FARS2: variants seen among roughly 807,000 people sequenced by gnomAD.
FARS2 encodes phenylalanine--tRNA ligase, mitochondrial.
FARS2 carries 40 observed loss-of-function variants against 46.4 expected under a neutral mutation model. The observed-to-expected ratio is 0.86, with a 90% CI of 0.67 to 1.12. FARS2 has a LOEUF of 1.12. Ranked by LOEUF, FARS2 falls within the 50% of genes most tolerant of loss-of-function variation. The pLI is 0.00. For synonymous variants in FARS2, 234 were observed against 214.9 expected, an observed-to-expected ratio of 1.09 and a Z score of -0.78; for missense variants, 513 against 567.9, an observed-to-expected ratio of 0.90 and a Z score of 0.98.
chr6:5,614,514 G>A (rs772634595), intron 6 of FARS2, among the ~76,000 whole-genome samples: 9 of 151,088 alleles, frequency 6.0e-5, no homozygotes, highest in African/African-American at 9.8e-5. Flanking sequence ...GGTTCACGCC[G>A]TTCTCCTGCC....
chr6:5,557,914 A>C (rs1263482662), intron 5 of FARS2, among the ~76,000 whole-genome samples: 1 of 152,116 alleles, frequency 6.6e-6, no homozygotes, highest in Non-Finnish European at 1.5e-5. Flanking sequence ...TATAGAAATC[A>C]GGGTCATTAT....
chr6:5,521,413 G>C (rs1367873435), intron 4 of FARS2, among the ~76,000 whole-genome samples: 1 of 151,964 alleles, frequency 6.6e-6, no homozygotes, highest in East Asian at 1.9e-4. Context: ...AAAGCTGCTG[G>C]ACTGTGAATG....
In FARS2 at chr6:5,743,390, G is replaced by C. The variant is rs368028026; in HGVS notation, c.1218-27901G>C. ...TGGCCACAAGCTCTGGATGCCAACG[G>C]ATGAGGCCAGGACCTTACATCACCT... On this transcript the variant is annotated intron_variant, in intron 6 of 6. Transcript: ENST00000274680. Among the ~76,000 whole-genome samples, 40 of 152,282 alleles carry C rather than the reference G, an allele frequency of 2.6e-4. No individual in the cohort carries two copies. The East Asian group carries it at 5.4e-3, about 21-fold the overall frequency.
chr6:5,656,801 G>A (rs957987471), intron 6 of FARS2, among the ~76,000 whole-genome samples: 4 of 152,018 alleles, frequency 2.6e-5, no homozygotes, highest in South Asian at 4.2e-4. Context: ...CACCCTCCTC[G>A]GCCTCCCAAA....
chr6:5,557,265 G>A (rs779133659), intron 5 of FARS2, among the ~76,000 whole-genome samples: 17 of 152,118 alleles, frequency 1.1e-4, no homozygotes, highest in Non-Finnish European at 2.4e-4. Flanking sequence ...AACAACAACA[G>A]CAGCAAACCC....
chr6:5,391,200 G>A (rs888036031), intron 2 of FARS2, among the ~76,000 whole-genome samples: 3 of 152,060 alleles, frequency 2.0e-5, no homozygotes, highest in South Asian at 2.1e-4. Context: ...ATTCCATCAC[G>A]GAAATAACCA....
At chr6:5,579,931 G>T (rs1431954722) in intron 5 of FARS2, among the ~76,000 whole-genome samples, 12 of 151,970 alleles carry the variant, frequency 7.9e-5, no homozygotes, top group Admixed American at 1.3e-4. Context: ...GTTTGTTTTT[G>T]TTGTTGTTGT....
intron 6 of FARS2, among the ~76,000 whole-genome samples, chr6:5,673,601 CTG>C (rs1778596249): frequency 1.3e-5 from 2 of 152,140 alleles, no homozygotes; most frequent in Non-Finnish European, 2.9e-5. Context: ...CATGCCAGCT[CTG>C]TGGAAGTGAG....
intron 1 of FARS2, among the ~76,000 whole-genome samples, chr6:5,290,237 CTGTG>C (rs1767408838): frequency 6.6e-6 from 1 of 152,080 alleles, no homozygotes; most frequent in Non-Finnish European, 1.5e-5. Context: ...TGGCAAGTGA[CTGTG>C]TGTGTGAGGG....
chr6:5,283,790 T>C (rs1766924562), intron 1 of FARS2, among the ~76,000 whole-genome samples: 1 of 152,198 alleles, frequency 6.6e-6, no homozygotes, highest in African/African-American at 2.4e-5. Context: ...TCAATACATG[T>C]AGAGGTGCCT....
At chr6:5,453,530 A>G (rs1764632559) in intron 4 of FARS2, among the ~76,000 whole-genome samples, 1 of 152,250 alleles carries the variant, frequency 6.6e-6, no homozygotes, top group Non-Finnish European at 1.5e-5. Context: ...TTGAATTTCA[A>G]AATGAGCTTT....
rs557588985 is a variant in FARS2 at position 5,557,026 on chromosome 6, A to G, written c.1065+11686A>G. Among the ~76,000 whole-genome samples the G allele has an allele frequency of 4.6e-5, 7 of 152,312 alleles. No homozygotes were observed. The South Asian group carries it at 1.4e-3, about 32-fold the overall frequency. ...CTGTACATTTAATAGTTGGTGGATT[A>G]TAGAGTTAAAAAGTTACAGTTGTAG... On this transcript the variant is annotated intron_variant, in intron 5 of 6. Transcript: ENST00000274680.
intron 6 of FARS2, among the ~76,000 whole-genome samples, chr6:5,745,384 A>G (rs1481113194): frequency 6.6e-6 from 1 of 152,206 alleles, no homozygotes; most frequent in Non-Finnish European, 1.5e-5. Flanking sequence ...TCATCTTTCC[A>G]TTTGTCAGGA....
At chr6:5,435,050 C>T (rs1029828348) in intron 4 of FARS2, among the ~76,000 whole-genome samples, 2 of 152,088 alleles carry the variant, frequency 1.3e-5, no homozygotes, top group Admixed American at 6.5e-5. Flanking sequence ...TGTTATAACC[C>T]GTGTTTTACA....
Position 5,539,211 on chromosome 6 carries a change from C to CT in FARS2, c.905-5957dup, listed in dbSNP as rs1260332909. ...CATCCACTTAGGCCAGTGAACATTT[C>CT]TTTTTTTTTTTTGAGACAGGAGTCT... On this transcript the variant is annotated intron_variant, in intron 4 of 6. Coordinates refer to ENST00000274680, the MANE Select transcript of FARS2 (RefSeq NM_006567.5). Among the ~76,000 whole-genome samples the CT allele has an allele frequency of 8.4e-3, 1,206 of 143,438 alleles. 21 individuals are homozygous for CT. The highest frequency in any genetic ancestry group is 0.021 in the African/African-American group (807 of 39,080). The allele number at this position is 143,438 out of a possible 152,430, so 94.1% of individuals were successfully genotyped here. A position where few individuals can be genotyped will look rare whatever the true frequency, so the allele number is the denominator to read the frequency against.
intron 1 of FARS2, chr6:5,291,019 C>CT (rs1185937495): frequency 6.6e-6 from 1 of 152,226 alleles, no homozygotes; most frequent in African/African-American, 2.4e-5. Flanking sequence ...CATGCCTAGC[C>CT]TGTGCTAATC....
rs11397113 is a variant in FARS2, at chr6:5,283,548, C to CAAAA, written c.-22+21903_-22+21906dup. Among the ~76,000 whole-genome samples the CAAAA allele has an allele frequency of 1.2e-3, 146 of 124,976 alleles. 2 individuals carry two copies. The highest frequency in any genetic ancestry group is 1.9e-3 in the African/African-American group (64 of 33,764). 82.0% of individuals were successfully genotyped at this position (124,976 alleles called of 152,430 possible). ...TGGGCAACAGAGCGAGACTTTGTTTCAAAAAAAAAAAAAAAAAATCAGAAG... is the reference window on the plus strand; with the variant it reads ...TGGGCAACAGAGCGAGACTTTGTTTCAAAAAAAAAAAAAAAAAAAAAATCAGAAG... On this transcript the variant is annotated intron_variant, in intron 1 of 6. Coordinates refer to ENST00000274680, the MANE Select transcript of FARS2 (RefSeq NM_006567.5).
chr6:5,285,810 T>C (rs1384786456), intron 1 of FARS2, among the ~76,000 whole-genome samples: 1 of 152,252 alleles, frequency 6.6e-6, no homozygotes, highest in Non-Finnish European at 1.5e-5. Context: ...TCAGCACTCC[T>C]GAGAGGCCTC....
intron 4 of FARS2, among the ~76,000 whole-genome samples, chr6:5,466,183 C>T (rs1359661732): frequency 6.6e-6 from 1 of 152,158 alleles, no homozygotes; most frequent in Non-Finnish European, 1.5e-5. Flanking sequence ...GGCTGTAGTG[C>T]CTTCCCCATT....
Sources: gnomAD v4.1 joint callset for allele counts (sites outside exome capture counted in the v4.1 genomes callset) on GRCh38, gnomAD v4.1.1 for gene constraint, MANE v1.5 for transcripts, NCBI Gene and HGNC (gene_info 2026-07-23, HGNC 2026-07-21) for gene names.